ABI2: variants seen among roughly 807,000 people sequenced by gnomAD.
The protein encoded by ABI2 is abelson interactor 2.
In ABI2, 25 loss-of-function variants were observed where a neutral mutation model predicts 59.2. That is an observed-to-expected ratio of 0.42 (90% CI 0.31 to 0.59). The LOEUF is 0.59. ABI2 is among the 20% of genes least tolerant of loss of function. ABI2 has a pLI of 0.14. For synonymous variants in ABI2, 213 were observed against 235.5 expected (o/e 0.90, Z 0.87); for missense variants, 545 against 681.8 (o/e 0.80, Z 2.23).
At chr2:203,367,697 C>T (rs1195119946) in intron 2 of ABI2, among the ~76,000 whole-genome samples, 1 of 151,964 alleles carries the variant, frequency 6.6e-6, no homozygotes. Context: ...AATCCTTTTT[C>T]CTGTAAGTAG....
intron 4 of ABI2, among the ~76,000 whole-genome samples, chr2:203,385,136 A>ATGCTTTTTTTTTT (rs2096424903): frequency 3.8e-5 from 1 of 26,218 alleles, no homozygotes; most frequent in Non-Finnish European, 1.1e-4. Flanking sequence ...CCCGGCTCAG[A>ATGCTTTTTTTTTT]TTCTTTTTTT....
At chr2:203,362,389 T>C (rs1168885510) in intron 1 of ABI2, among the ~76,000 whole-genome samples, 2 of 152,238 alleles carry the variant, frequency 1.3e-5, no homozygotes, top group South Asian at 2.1e-4. Flanking sequence ...TCATGTTGTT[T>C]GGACGTTCTG....
At chr2:203,375,627 C>T (rs1314109126) in intron 2 of ABI2, among the ~76,000 whole-genome samples, 3 of 152,170 alleles carry the variant, frequency 2.0e-5, no homozygotes, top group Non-Finnish European at 2.9e-5. Flanking sequence ...GAATATGTTA[C>T]AGGAGCTTTC....
At chr2:203,382,142 A>G (rs1444930036) in intron 3 of ABI2, 47 bp from the exon 4 acceptor site, 16 of 1,492,558 alleles carry the variant, frequency 1.1e-5, no homozygotes, top group Admixed American at 2.2e-5. Flanking sequence ...TAACCTTTCA[A>G]TGCTTTTTTT....
intron 1 of ABI2, among the ~76,000 whole-genome samples, chr2:203,364,715 G>A (rs564774044): frequency 1.3e-5 from 2 of 151,120 alleles, no homozygotes; most frequent in Non-Finnish European, 2.9e-5. Flanking sequence ...TTATATTAAT[G>A]CACATACATA....
At chr2:203,362,719 GTTT>G (rs1388518113) in intron 1 of ABI2, among the ~76,000 whole-genome samples, 33 of 151,970 alleles carry the variant, frequency 2.2e-4, no homozygotes, top group Admixed American at 8.6e-4. Flanking sequence ...TAGAGATGGG[GTTT>G]CTCCATGTCG....
intron 7 of ABI2, among the ~76,000 whole-genome samples, chr2:203,396,075 G>A (rs1270662910): frequency 1.3e-5 from 2 of 152,102 alleles, no homozygotes; most frequent in African/African-American, 4.8e-5. Flanking sequence ...TGCAGTCTTT[G>A]GACACAGTGG....
intron 11 of ABI2, among the ~76,000 whole-genome samples, chr2:203,421,576 T>G (rs575523843): frequency 1.2e-3 from 185 of 152,198 alleles, no homozygotes; most frequent in Non-Finnish European, 2.2e-3. Flanking sequence ...TTTTTTTAAG[T>G]AGAAGGACAA....
At position 203,328,430 on chromosome 2, in the gene ABI2, C is replaced by A; in HGVS notation, c.-85C>A. 1 of 1,151,606 alleles carries A rather than the reference C, an allele frequency of 8.7e-7. No homozygotes were observed. The highest frequency in any genetic ancestry group is 1.3e-6 in the Non-Finnish European group (1 of 799,916). 71.3% of individuals were successfully genotyped at this position (1,151,606 alleles called of 1,614,324 possible). A position where few individuals can be genotyped will look rare whatever the true frequency, so the allele number is the denominator to read the frequency against. On this transcript the variant is annotated 5_prime_UTR_variant, in exon 1 of 12. Coordinates refer to ENST00000261018, the MANE Select transcript of ABI2 (RefSeq NM_001375670.1). ...ACCGCCGCCGTCGCCGCCGCTCCTC[C>A]TCTCCCGGTCCTGGGTTTCCTTGGC...
intron 1 of ABI2, among the ~76,000 whole-genome samples, chr2:203,353,660 T>C (rs2090254975): frequency 6.6e-6 from 1 of 151,990 alleles, no homozygotes; most frequent in Non-Finnish European, 1.5e-5. Flanking sequence ...CTCATTCCTG[T>C]AATGTTTTTA....
chr2:203,333,737 T>G (rs750431344), intron 1 of ABI2, among the ~76,000 whole-genome samples: 5 of 152,174 alleles, frequency 3.3e-5, no homozygotes, highest in Non-Finnish European at 5.9e-5. Flanking sequence ...AGCCCCTTGC[T>G]CTTTTAAACA....
intron 1 of ABI2, among the ~76,000 whole-genome samples, chr2:203,355,961 G>T (rs1238122139): frequency 6.6e-6 from 1 of 151,590 alleles, no homozygotes; most frequent in African/African-American, 2.4e-5. Context: ...GATTGTAAAG[G>T]CATTCTTTTA....
intron 11 of ABI2, among the ~76,000 whole-genome samples, chr2:203,425,367 T>G (rs1161543742): frequency 2.0e-5 from 3 of 152,118 alleles, no homozygotes; most frequent in Non-Finnish European, 4.4e-5. Flanking sequence ...CACGCTTGGC[T>G]AATTTTTGTA....
chr2:203,425,255 A>T (rs2153604426), intron 11 of ABI2, among the ~76,000 whole-genome samples: 1 of 151,776 alleles, frequency 6.6e-6, no homozygotes, highest in South Asian at 2.1e-4. Flanking sequence ...CAAGAGTCTC[A>T]CTCTGTCACC....
intron 1 of ABI2, 77 bp from the exon 2 acceptor site, chr2:203,366,800 T>C: frequency 1.4e-6 from 2 of 1,390,482 alleles, no homozygotes; most frequent in Non-Finnish European, 1.9e-6. Context: ...ATCGTTGTGA[T>C]GAGTTTTTTG....
At chr2:203,364,179 C>T (rs569981973) in intron 1 of ABI2, among the ~76,000 whole-genome samples, 98 of 148,176 alleles carry the variant, frequency 6.6e-4, no homozygotes, top group African/African-American at 2.1e-3. Context: ...CTGCAACCCC[C>T]GCCTCCTGGG....
intron 4 of ABI2, 75 bp downstream of exon 4, chr2:203,382,281 G>T (rs1224340193): frequency 4.8e-6 from 6 of 1,253,896 alleles, no homozygotes; most frequent in African/African-American, 3.1e-5. Context: ...TAAAGAGATT[G>T]TTAACTCTTG....
chr2:203,392,861 A>G, intron 5 of ABI2, among the ~76,000 whole-genome samples: 1 of 152,184 alleles, frequency 6.6e-6, no homozygotes, highest in East Asian at 1.9e-4. Context: ...TGGTTCTGCA[A>G]GATCCTTGGG....
chr2:203,340,223 G>A (rs1270670952), intron 1 of ABI2, among the ~76,000 whole-genome samples: 1 of 152,218 alleles, frequency 6.6e-6, no homozygotes, highest in Non-Finnish European at 1.5e-5. Context: ...ATCGGCCAAG[G>A]GCCGTTGGGA....
Sources: allele counts gnomAD v4.1 joint callset (sites outside exome capture counted in the v4.1 genomes callset), GRCh38; gene constraint gnomAD v4.1.1; transcripts MANE v1.5; gene names NCBI Gene and HGNC (gene_info 2026-07-23, HGNC 2026-07-21).